The following LEKR1 variants were observed in gnomAD, a reference collection of about 807,000 sequenced individuals.
LEKR1 encodes the protein leucine, glutamate and lysine rich 1, also known as protein LEKR1.
LEKR1 carries 59 observed loss-of-function variants against 72.4 expected under a neutral mutation model. The ratio of observed to expected loss-of-function variants is 0.82; its 90% CI spans 0.66 to 1.01. LEKR1 has a LOEUF of 1.01. LEKR1 is among the 50% of genes least tolerant of loss of function. The pLI is 0.00. For missense variants in LEKR1, 728 were observed against 759.2 expected, an observed-to-expected ratio of 0.96 and a Z score of 0.48; for synonymous variants, 257 against 263.2, an observed-to-expected ratio of 0.98 and a Z score of 0.23.
intron 3 of LEKR1, among the ~76,000 whole-genome samples, chr3:156,911,606 G>GT (rs376547805): frequency 9.6e-4 from 145 of 151,706 alleles, no homozygotes; most frequent in African/African-American, 3.4e-3. Context: ...TATTTCCTAG[G>GT]TTTTTTTTCT....
In LEKR1 at chr3:157,045,606, C is replaced by G; in HGVS notation, c.1935C>G (p.Phe645Leu). The G allele has an allele frequency of 6.2e-7, 1 of 1,614,194 alleles. No homozygotes were observed. Among genetic ancestry groups the G allele is most frequent in the Non-Finnish European group, 8.5e-7 (1 of 1,180,040 alleles). Residue 645 changes from phenylalanine (F) to leucine (L), a missense_variant, in exon 13 of 13, where the codon TTC becomes TTG. Coordinates refer to ENST00000356539, the MANE Select transcript of LEKR1 (RefSeq NM_001004316.3). ...NLRGVSKPTT[F>L]PTSDKPKRVR... is the part of the protein sequence containing the mutation. ...GCGGGGTGTCAAAACCCACCACTTT[C>G]CCAACCTCAGATAAGCCGAAGAGGG... is the stretch of plus-strand genomic sequence containing the variant.
chr3:156,882,704 T>A (rs1437755813), intron 3 of LEKR1, among the ~76,000 whole-genome samples: 3 of 152,182 alleles, frequency 2.0e-5, no homozygotes, highest in Non-Finnish European at 4.4e-5. Flanking sequence ...CATGCACACG[T>A]ATTTTTATTG....
chr3:157,009,803 T>C (rs998852422), intron 9 of LEKR1, among the ~76,000 whole-genome samples: 2 of 152,104 alleles, frequency 1.3e-5, no homozygotes, highest in Non-Finnish European at 2.9e-5. Context: ...TATCAAGTTT[T>C]GCTTTATATA....
At chr3:156,967,523 C>T (rs540202984) in intron 6 of LEKR1, among the ~76,000 whole-genome samples, 67 of 152,022 alleles carry the variant, frequency 4.4e-4, no homozygotes, top group Non-Finnish European at 7.1e-4. Context: ...GAAAGGGTAT[C>T]AGTGATGGAA....
chr3:157,022,047 C>A (rs1038860092), intron 10 of LEKR1, among the ~76,000 whole-genome samples: 1 of 152,066 alleles, frequency 6.6e-6, no homozygotes, highest in Non-Finnish European at 1.5e-5. Context: ...GGAAGTCAGA[C>A]TGGAGGAATC....
At chr3:156,883,561 G>A (rs1348867951) in intron 3 of LEKR1, among the ~76,000 whole-genome samples, 1 of 152,196 alleles carries the variant, frequency 6.6e-6, no homozygotes, top group African/African-American at 2.4e-5. Context: ...ATTCCCACTT[G>A]TGGGAGGGAC....
chr3:156,877,443 C>T (rs1243479928), intron 3 of LEKR1, among the ~76,000 whole-genome samples: 1 of 151,996 alleles, frequency 6.6e-6, no homozygotes, highest in Admixed American at 6.6e-5. Context: ...CCCATATAGT[C>T]CTGGATGTGT....
chr3:157,024,207 G>T (rs143044454), intron 10 of LEKR1, among the ~76,000 whole-genome samples: 54 of 152,188 alleles, frequency 3.5e-4, no homozygotes, highest in Admixed American at 2.1e-3. Flanking sequence ...ATCATAAGTC[G>T]AACCATTGCA....
At chr3:156,879,443 G>C (rs1300948220) in intron 3 of LEKR1, among the ~76,000 whole-genome samples, 2 of 152,144 alleles carry the variant, frequency 1.3e-5, no homozygotes, top group Non-Finnish European at 2.9e-5. Context: ...GAGGTTACTT[G>C]GGTGCTGTTA....
intron 3 of LEKR1, among the ~76,000 whole-genome samples, chr3:156,898,661 C>T (rs558552582): frequency 1.1e-4 from 17 of 151,908 alleles, no homozygotes; most frequent in Middle Eastern, 3.4e-3. Context: ...AGAAGCATTA[C>T]AGGAAAAAAA....
intron 7 of LEKR1, among the ~76,000 whole-genome samples, chr3:156,985,899 G>A (rs1730636539): frequency 6.6e-6 from 1 of 151,800 alleles, no homozygotes; most frequent in Admixed American, 6.6e-5. Flanking sequence ...GATTATGTGG[G>A]CAGGCCTAAT....
chr3:156,942,269 A>G (rs556829215), intron 5 of LEKR1, among the ~76,000 whole-genome samples: 1 of 152,096 alleles, frequency 6.6e-6, no homozygotes, highest in East Asian at 1.9e-4. Flanking sequence ...AGCAGGCTGT[A>G]TTACCACTTA....
At chr3:157,023,054 T>C (rs1004617958) in intron 10 of LEKR1, among the ~76,000 whole-genome samples, 2 of 152,158 alleles carry the variant, frequency 1.3e-5, no homozygotes, top group African/African-American at 2.4e-5. Context: ...TTTAACTTTC[T>C]TAGCAATATT....
At chr3:156,891,135 G>C (rs1720626646) in intron 3 of LEKR1, among the ~76,000 whole-genome samples, 1 of 151,648 alleles carries the variant, frequency 6.6e-6, no homozygotes, top group African/African-American at 2.4e-5. Flanking sequence ...GCCTCCCAAA[G>C]TGCTGGGATT....
At chr3:156,927,334 C>T (rs1423954696) in intron 4 of LEKR1, 95 bp from the exon 5 acceptor site, 1 of 371,346 alleles carries the variant, frequency 2.7e-6, no homozygotes, top group Non-Finnish European at 4.2e-6. Flanking sequence ...TCCAATTAGA[C>T]ACTAGATTAT....
Position 156,992,637 on chromosome 3 carries a change from T to C in LEKR1, c.828-16T>C, listed in dbSNP as rs1394042297. 1 of 558,020 alleles carries C rather than the reference T, an allele frequency of 1.8e-6. No homozygotes were observed. Among genetic ancestry groups the C allele is most frequent in the Non-Finnish European group, 2.6e-6 (1 of 389,564 alleles). 34.6% of individuals were successfully genotyped at this position (558,020 alleles called of 1,614,324 possible). A position where few individuals can be genotyped will look rare whatever the true frequency, so the allele number is the denominator to read the frequency against. On this transcript the variant is annotated splice_polypyrimidine_tract_variant and intron_variant, in intron 7 of 12. Transcript: ENST00000356539. ...TTTTGAAATAATATATTTTAACTTC[T>C]TTTGTATTATTTTAGGAATAAATCT...
chr3:156,898,378 T>TA (rs1330915989), intron 3 of LEKR1, among the ~76,000 whole-genome samples: 1 of 151,330 alleles, frequency 6.6e-6, no homozygotes, highest in Non-Finnish European at 1.5e-5. Context: ...TTGGGCAAGA[T>TA]AAAAAAAGAA....
At chr3:157,013,450 T>C (rs12491332) in intron 10 of LEKR1, among the ~76,000 whole-genome samples, 13,916 of 152,214 alleles carry the variant, frequency 0.091, 707 homozygotes, top group African/African-American at 0.12. Context: ...TCTTGCTTTA[T>C]GCTAGTAAGT....
At chr3:156,844,029 A>C (rs1205130955) in intron 2 of LEKR1, among the ~76,000 whole-genome samples, 1 of 152,178 alleles carries the variant, frequency 6.6e-6, no homozygotes, top group Non-Finnish European at 1.5e-5. Flanking sequence ...TGAATTTGCC[A>C]ATTTGTAGTC....
Sources: allele counts gnomAD v4.1 joint callset (sites outside exome capture counted in the v4.1 genomes callset), GRCh38; gene constraint gnomAD v4.1.1; transcripts MANE v1.5; gene names NCBI Gene and HGNC (gene_info 2026-07-23, HGNC 2026-07-21).